Variants in ALDH1A2 observed in about 807,000 individuals in gnomAD.
ALDH1A2 encodes aldehyde dehydrogenase 1 family member A2.
ALDH1A2 carries 27 observed loss-of-function variants against 60.3 expected under a neutral mutation model. The observed-to-expected ratio is 0.45, with a 90% confidence interval of 0.33 to 0.62. The LOEUF (loss-of-function observed/expected upper bound fraction) is 0.62, where lower values mean the gene tolerates loss of function less well. Ranked by LOEUF, ALDH1A2 falls within the 20% of genes least tolerant of loss-of-function variation. The pLI is 0.02. For synonymous variants in ALDH1A2, 289 were observed against 232.4 expected (o/e 1.24, Z -2.21); for missense variants, 581 against 643.8 (o/e 0.90, Z 1.06).
At chr15:57,979,503 C>T (rs1595632905) in intron 7 of ALDH1A2, among the ~76,000 whole-genome samples, 2 of 152,064 alleles carry the variant, frequency 1.3e-5, no homozygotes, top group South Asian at 2.1e-4. Context: ...GGGATATGGC[C>T]TTGACCCCTT....
At chr15:58,011,584 TC>T (rs1895634586) in intron 3 of ALDH1A2, among the ~76,000 whole-genome samples, 1 of 152,202 alleles carries the variant, frequency 6.6e-6, no homozygotes, top group Non-Finnish European at 1.5e-5. Flanking sequence ...TTTCTTTTTT[TC>T]CTACAAGTGT....
intron 7 of ALDH1A2, among the ~76,000 whole-genome samples, chr15:57,982,708 A>G (rs1894556785): frequency 6.6e-6 from 1 of 152,226 alleles, no homozygotes; most frequent in African/African-American, 2.4e-5. Context: ...TTGTAGATGG[A>G]CATTACTTGC....
At position 58,011,032 on chromosome 15, in the gene ALDH1A2, A is replaced by G. The variant is rs189703905; in HGVS notation, c.364-254T>C. 3.1e-3 allele frequency among the ~76,000 whole-genome samples: 469 copies of G among 152,280 alleles called. 3 individuals carry two copies. Among genetic ancestry groups the G allele is most frequent in the African/African-American group, 0.011 (448 of 41,556 alleles). ...ACCACTATCCAAATACGTTAACACA[A>G]TATTTCTTTAACTAATGATAAAGAA... On this transcript the variant is annotated intron_variant, in intron 3 of 12. Transcript: ENST00000249750.
At chr15:57,982,210 G>A (rs140652992) in intron 7 of ALDH1A2, among the ~76,000 whole-genome samples, 25 of 152,322 alleles carry the variant, frequency 1.6e-4, no homozygotes, top group Admixed American at 3.3e-4. Context: ...AATCCATGAG[G>A]TAGGTACAAT....
chr15:57,997,194 T>G (rs1269591283), intron 4 of ALDH1A2, among the ~76,000 whole-genome samples: 2 of 152,002 alleles, frequency 1.3e-5, no homozygotes, highest in Non-Finnish European at 2.9e-5. Flanking sequence ...GAGTAATACT[T>G]TAAACATCAA....
intron 1 of ALDH1A2, among the ~76,000 whole-genome samples, chr15:58,024,245 A>T (rs1413747919): frequency 6.6e-6 from 1 of 152,234 alleles, no homozygotes; most frequent in African/African-American, 2.4e-5. Flanking sequence ...AAAGAGGCAA[A>T]GAATATATAA....
intron 1 of ALDH1A2, among the ~76,000 whole-genome samples, chr15:58,063,744 A>ACCT (rs1897100752): frequency 6.6e-6 from 1 of 152,046 alleles, no homozygotes; most frequent in Non-Finnish European, 1.5e-5. Context: ...AAAATAAGGT[A>ACCT]CCTCCTCCCC....
intron 7 of ALDH1A2, among the ~76,000 whole-genome samples, chr15:57,987,411 T>A (rs1439081212): frequency 2.0e-5 from 3 of 152,072 alleles, no homozygotes; most frequent in Admixed American, 6.5e-5. Flanking sequence ...AAAAGCAGTC[T>A]GGGGGAAAAG....
rs3051364 is a variant in ALDH1A2 at position 57,955,467 on chromosome 15, AAAG to A, written c.1485-201_1485-199del. Among the ~76,000 whole-genome samples, 14,733 of 152,190 alleles carry A rather than the reference AAAG, an allele frequency of 0.097. 759 individuals carry two copies. The highest frequency in any genetic ancestry group is 0.13 in the African/African-American group (5,465 of 41,512). The stretch of plus-strand genomic sequence containing the variant: ...AACTGTCATCTCATGAGTAGTTTTT[AAAG>A]AAGTTTTTTTAAAACTTTAAAGTTT... On this transcript the variant is annotated intron_variant, in intron 12 of 12. Transcript: ENST00000249750.
intron 7 of ALDH1A2, among the ~76,000 whole-genome samples, chr15:57,973,444 C>CCTAAGGTAATCA (rs1894137633): frequency 6.6e-6 from 1 of 152,124 alleles, no homozygotes; most frequent in Non-Finnish European, 1.5e-5. Context: ...GTCCCATCTC[C>CCTAAGGTAATCA]CTAAGGTAAT....
chr15:57,985,311 C>G (rs1243774136), intron 7 of ALDH1A2, among the ~76,000 whole-genome samples: 1 of 152,158 alleles, frequency 6.6e-6, no homozygotes, highest in Non-Finnish European at 1.5e-5. Flanking sequence ...CTATATCCTA[C>G]AGACCCTCAA....
At chr15:58,013,755 A>G in intron 3 of ALDH1A2, 103 bp downstream of exon 3, 1 of 1,466,508 alleles carries the variant, frequency 6.8e-7, no homozygotes, top group Non-Finnish European at 9.1e-7. Context: ...CCGTCTCAAA[A>G]AATAAAATAA....
intron 1 of ALDH1A2, among the ~76,000 whole-genome samples, chr15:58,039,264 C>G (rs35794202): frequency 5.7e-4 from 86 of 151,310 alleles, no homozygotes; most frequent in African/African-American, 2.0e-3. Context: ...TTTTTTTTCT[C>G]CTTCTTTATT....
At chr15:58,031,247 A>G (rs140655066) in intron 1 of ALDH1A2, among the ~76,000 whole-genome samples, 250 of 152,322 alleles carry the variant, frequency 1.6e-3, no homozygotes, top group African/African-American at 5.7e-3. Flanking sequence ...CAAACCTGAC[A>G]AAAACAAGAA....
intron 4 of ALDH1A2, among the ~76,000 whole-genome samples, chr15:57,998,587 T>A (rs1318252390): frequency 6.6e-6 from 1 of 152,086 alleles, no homozygotes; most frequent in Admixed American, 6.6e-5. Context: ...TCCATGCTCA[T>A]GGATAGGAAG....
chr15:58,025,136 C>T (rs940589049), intron 1 of ALDH1A2, among the ~76,000 whole-genome samples: 12 of 151,688 alleles, frequency 7.9e-5, no homozygotes, highest in African/African-American at 1.7e-4. Flanking sequence ...ACTAGAAAAA[C>T]GCGAAGAAAC....
chr15:57,987,689 G>A (rs1181812180), intron 7 of ALDH1A2, among the ~76,000 whole-genome samples: 2 of 152,022 alleles, frequency 1.3e-5, no homozygotes, highest in Non-Finnish European at 2.9e-5. Flanking sequence ...GACCATCCTG[G>A]CTAACATGGT....
chr15:58,063,194 G>A (rs540280483), intron 1 of ALDH1A2, among the ~76,000 whole-genome samples: 2 of 152,262 alleles, frequency 1.3e-5, no homozygotes, highest in East Asian at 3.9e-4. Context: ...CATACAGAAA[G>A]TCATATCCTT....
intron 7 of ALDH1A2, among the ~76,000 whole-genome samples, chr15:57,982,334 ATGAC>A (rs1300601094): frequency 6.6e-6 from 1 of 152,226 alleles, no homozygotes; most frequent in Non-Finnish European, 1.5e-5. Flanking sequence ...GTTTTCTGAT[ATGAC>A]TGACATATTT....
Sources: gnomAD v4.1 joint callset for allele counts (sites outside exome capture counted in the v4.1 genomes callset) on GRCh38, gnomAD v4.1.1 for gene constraint, MANE v1.5 for transcripts, NCBI Gene and HGNC (gene_info 2026-07-23, HGNC 2026-07-21) for gene names.